Variants in VIT observed in about 807,000 individuals in gnomAD.
VIT encodes the protein vitrin.
A neutral mutation model predicts 78.0 loss-of-function variants in VIT; 99 were observed. The ratio of observed to expected loss-of-function variants is 1.27; its 90% confidence interval spans 1.08 to 1.50. VIT has a LOEUF of 1.50. Ranked by LOEUF, VIT falls within the 40% of genes most tolerant of loss-of-function variation. The pLI, the probability that VIT is intolerant of heterozygous loss-of-function variation, is 0.00. For synonymous variants in VIT, 374 were observed against 334.3 expected (o/e 1.12, Z -1.29); for missense variants, 1,126 against 875.3 (o/e 1.29, Z -3.61).
At chr2:36,710,134 T>A (rs1458123585) in intron 1 of VIT, among the ~76,000 whole-genome samples, 1 of 152,248 alleles carries the variant, frequency 6.6e-6, no homozygotes. Flanking sequence ...ATTGAATCAC[T>A]GCTAAATTTG....
chr2:36,748,419 G>C (rs1558536572), intron 4 of VIT, among the ~76,000 whole-genome samples: 1 of 152,086 alleles, frequency 6.6e-6, no homozygotes, highest in African/African-American at 2.4e-5. Context: ...TTTCTCAGAG[G>C]TTTTCTTCAT....
intron 1 of VIT, among the ~76,000 whole-genome samples, chr2:36,706,539 C>A (rs1360451007): frequency 6.6e-6 from 1 of 152,224 alleles, no homozygotes; most frequent in Non-Finnish European, 1.5e-5. Flanking sequence ...CTCTCCATCT[C>A]TCTCTGCCGT....
rs369453664 is a variant in VIT at position 36,759,377 on chromosome 2, G to C, written c.487+331G>C. On this transcript the variant is annotated intron_variant, in intron 6 of 15. Transcript: ENST00000379242. ...TTCTGTCCGGAAATGTTTCCTGGCA[G>C]CTAAAAGGAAAAAGCTGTATCTACT... 6 of 1,385,002 alleles carry C rather than the reference G, an allele frequency of 4.3e-6. No homozygotes were observed. The African/African-American group carries it at 7.3e-5, about 17-fold the overall frequency. 85.8% of individuals were successfully genotyped at this position (1,385,002 alleles called of 1,614,324 possible).
chr2:36,737,478 A>C (rs1280976369), intron 3 of VIT, among the ~76,000 whole-genome samples: 1 of 152,234 alleles, frequency 6.6e-6, no homozygotes, highest in African/African-American at 2.4e-5. Context: ...GTAGAGCTAC[A>C]TTCTGAAATA....
Position 36,708,374 on chromosome 2 carries a change from G to T in VIT, c.-18-7979G>T, listed in dbSNP as rs139879975. On this transcript the variant is annotated intron_variant, in intron 1 of 15. Coordinates refer to ENST00000379242, the MANE Select transcript of VIT (RefSeq NM_053276.4). ...TCATGGACAAAGAGTATGGTTGGGT[G>T]CTCCCCGATGTAGCATTGTAGATCA... 3.1e-3 allele frequency among the ~76,000 whole-genome samples: 474 copies of T among 152,294 alleles called. 4 individuals are homozygous for T. The highest frequency in any genetic ancestry group is 0.011 in the African/African-American group (452 of 41,548).
intron 9 of VIT, among the ~76,000 whole-genome samples, chr2:36,777,791 T>C (rs1442599607): frequency 6.6e-6 from 1 of 152,216 alleles, no homozygotes; most frequent in Non-Finnish European, 1.5e-5. Flanking sequence ...TCATTGAATG[T>C]GTTAACATCC....
intron 7 of VIT, among the ~76,000 whole-genome samples, chr2:36,773,449 G>A (rs1003995967): frequency 9.9e-5 from 15 of 152,160 alleles, no homozygotes; most frequent in African/African-American, 3.6e-4. Flanking sequence ...AAAACAGTCA[G>A]GTTAAAATTT....
intron 4 of VIT, 58 bp downstream of exon 4, chr2:36,743,314 C>T: frequency 6.9e-7 from 1 of 1,456,272 alleles, no homozygotes; most frequent in East Asian, 2.4e-5. Context: ...GGCAGGGAGC[C>T]CCCATGCAAG....
At chr2:36,750,030 T>C (rs1320842431) in intron 4 of VIT, among the ~76,000 whole-genome samples, 2 of 152,172 alleles carry the variant, frequency 1.3e-5, no homozygotes, top group Admixed American at 6.5e-5. Context: ...GAACTGGTTT[T>C]TCAAAGGGAA....
intron 14 of VIT, 81 bp from the exon 15 acceptor site, chr2:36,808,391 T>G (rs969943413): frequency 9.4e-6 from 14 of 1,491,900 alleles, no homozygotes; most frequent in African/African-American, 1.4e-5. Context: ...CTTCTTCACC[T>G]GCCCCGGGGG....
intron 12 of VIT, among the ~76,000 whole-genome samples, chr2:36,791,324 G>T (rs1005574388): frequency 6.6e-6 from 1 of 152,190 alleles, no homozygotes; most frequent in Admixed American, 6.5e-5. Context: ...AGCTTCCATA[G>T]GTCGGCTGAG....
chr2:36,784,156 G>A (rs1286087403), intron 11 of VIT, among the ~76,000 whole-genome samples: 1 of 152,170 alleles, frequency 6.6e-6, no homozygotes, highest in Non-Finnish European at 1.5e-5. Context: ...AAGAACCAGA[G>A]AAAAACAAGG....
intron 9 of VIT, among the ~76,000 whole-genome samples, chr2:36,776,054 C>G (rs1670027795): frequency 6.6e-6 from 1 of 152,210 alleles, no homozygotes; most frequent in South Asian, 2.1e-4. Flanking sequence ...TAACTTCTCA[C>G]CTGAAAATGA....
intron 6 of VIT, among the ~76,000 whole-genome samples, chr2:36,762,747 T>C (rs1037721945): frequency 6.6e-6 from 1 of 152,124 alleles, no homozygotes; most frequent in Non-Finnish European, 1.5e-5. Flanking sequence ...ACAATATGAA[T>C]TAACAGGCTA....
chr2:36,787,386 C>T lies in VIT; in HGVS notation c.1058+110C>T, dbSNP rs188091391. The T allele has an allele frequency of 1.1e-4, 149 of 1,377,758 alleles. 1 individual carries two copies. The African/African-American group carries it at 2.1e-3, about 19-fold the overall frequency. The allele number at this position is 1,377,758 out of a possible 1,614,324, so 85.3% of individuals were successfully genotyped here. ...AATATTACCAACATGTCCTTGAGCA[C>T]AGATTTGTTCTCTTCCCTAATGCAA... On this transcript the variant is annotated intron_variant, in intron 12 of 15. Transcript: ENST00000379242.
intron 12 of VIT, among the ~76,000 whole-genome samples, chr2:36,788,447 C>T (rs1188532991): frequency 6.6e-6 from 1 of 152,108 alleles, no homozygotes; most frequent in Non-Finnish European, 1.5e-5. Context: ...TTGATACTAC[C>T]TTCTATTCCT....
In VIT at chr2:36,808,756, G is replaced by A. The variant is rs749943752; in HGVS notation, c.1674G>A (p.Gln558=). The A allele has an allele frequency of 5.0e-6, 8 of 1,613,972 alleles. No individual in the cohort carries two copies. In the African/African-American group the frequency reaches 9.3e-5, roughly 19 times the overall value. Reference sequence around the variant, plus strand: ...GGGCCGTGCAGTACACCTACGAACAGCGGCTGGAGTTTGGGTTCGACAAGT... The same window carrying A: ...GGGCCGTGCAGTACACCTACGAACAACGGCTGGAGTTTGGGTTCGACAAGT... The part of the protein sequence containing the change: ...RIGAVQYTYE[Q]RLEFGFDKYS... The change falls in exon 15 of 16, where the codon CAG becomes CAA. Residue 558 remains glutamine, a synonymous_variant. Transcript: ENST00000379242.
chr2:36,759,160 G>T, intron 6 of VIT, 114 bp downstream of exon 6: 1 of 1,600,598 alleles, frequency 6.2e-7, no homozygotes, highest in Non-Finnish European at 8.5e-7. Flanking sequence ...ACTGGCTCTG[G>T]CAATATTTTA....
intron 12 of VIT, among the ~76,000 whole-genome samples, chr2:36,790,176 C>A (rs147595610): frequency 6.6e-6 from 1 of 152,312 alleles, no homozygotes; most frequent in African/African-American, 2.4e-5. Context: ...CAATCTCCTA[C>A]TCAAAGACGT....
Sources: gnomAD v4.1 joint callset for allele counts (sites outside exome capture counted in the v4.1 genomes callset) on GRCh38, gnomAD v4.1.1 for gene constraint, MANE v1.5 for transcripts, NCBI Gene and HGNC (gene_info 2026-07-23, HGNC 2026-07-21) for gene names.